TRIML2: variants seen among roughly 807,000 people sequenced by gnomAD.
TRIML2 encodes the protein tripartite motif family like 2.
A neutral mutation model predicts 31.2 loss-of-function variants in TRIML2; 28 were observed. The ratio of observed to expected loss-of-function variants is 0.90; its 90% confidence interval spans 0.66 to 1.23. The LOEUF is 1.23. Among genes scored for constraint, TRIML2 ranks in the 50% most tolerant of loss-of-function variants. The pLI is 0.00. For synonymous variants in TRIML2, 187 were observed against 197.5 expected (o/e 0.95, Z 0.45); for missense variants, 536 against 528.3 (o/e 1.01, Z -0.14).
At chr4:188,108,912 C>G (rs967035982) in intron 1 of TRIML2, among the ~76,000 whole-genome samples, 1 of 152,134 alleles carries the variant, frequency 6.6e-6, no homozygotes, top group Non-Finnish European at 1.5e-5. Context: ...CCATAAGAAA[C>G]TAAGTCCTTG....
intron 4 of TRIML2, among the ~76,000 whole-genome samples, chr4:188,100,676 T>G (rs1304009175): frequency 1.3e-5 from 2 of 152,018 alleles, no homozygotes. Context: ...GAGCTGAGAT[T>G]GCGCCACTGC....
At position 188,105,178 on chromosome 4, in the gene TRIML2, A is replaced by G. The variant is rs778845906; in HGVS notation, c.189+2T>C. ...TTTGGGATTTGCGTGAGTGACTCTT[A>G]CCCTGTAATTCTCAGCAGCCTCTTG... On this transcript the variant is annotated splice_donor_variant, in intron 2 of 7. Coordinates refer to ENST00000682553, the MANE Select transcript of TRIML2 (RefSeq NM_173553.4). LOFTEE classifies it high-confidence loss of function. 1.2e-5 allele frequency: 19 copies of G among 1,595,556 alleles called. No individual in the cohort carries two copies. The highest frequency in any genetic ancestry group is 1.6e-5 in the Non-Finnish European group (19 of 1,164,492).
At chr4:188,102,685 C>G (rs1031963820) in intron 3 of TRIML2, among the ~76,000 whole-genome samples, 40 of 151,754 alleles carry the variant, frequency 2.6e-4, no homozygotes, top group African/African-American at 9.4e-4. Context: ...CCCGTCTCTA[C>G]TAAAAATAAA....
intron 3 of TRIML2, among the ~76,000 whole-genome samples, chr4:188,103,820 G>A (rs1222444711): frequency 6.6e-6 from 1 of 152,074 alleles, no homozygotes; most frequent in African/African-American, 2.4e-5. Flanking sequence ...GCAAACAGTG[G>A]GATCTCAGTA....
chr4:188,106,351 G>A (rs1351504468), intron 1 of TRIML2, among the ~76,000 whole-genome samples: 7 of 152,148 alleles, frequency 4.6e-5, no homozygotes, highest in Non-Finnish European at 8.8e-5. Flanking sequence ...GCGCCCGGCC[G>A]AAAACGGCTC....
In TRIML2 at chr4:188,091,764, A is replaced by G; in HGVS notation, c.923T>C (p.Val308Ala). The change falls in exon 8 of 8, where the codon GTG becomes GCG. Residue 308 changes from valine (V) to alanine (A), a missense_variant. Transcript: ENST00000682553. ...SFTSGRHYWE[V>A]DVEKATRWQV... The stretch of plus-strand genomic sequence containing the variant: ...CCACCTGGTTGCCTTTTCCACGTCC[A>G]CCTCCCAGTAGTGCCTCCCTGAGGT... The G allele has an allele frequency of 6.2e-7, 1 of 1,613,660 alleles. No homozygotes were observed. Among genetic ancestry groups the G allele is most frequent in the Non-Finnish European group, 8.5e-7 (1 of 1,179,916 alleles).
Position 188,091,843 on chromosome 4 carries a change from C to A in TRIML2, c.844G>T (p.Gly282Cys). 6.2e-7 allele frequency: 1 copy of A among 1,614,148 alleles called. No individual in the cohort carries two copies. The highest frequency in any genetic ancestry group is 8.5e-7 in the Non-Finnish European group (1 of 1,180,038). ...RLRHGQQDGAGNPERLDFSAM... is the reference protein window; with the variant it reads ...RLRHGQQDGACNPERLDFSAM... ...CTGAAATCCAATCTTTCTGGGTTGC[C>A]AGCCCCATCCTGCTGCCCATGTCTC... Residue 282 changes from glycine (G) to cysteine (C), a missense_variant, in exon 8 of 8, where the codon GGC (glycine) becomes TGC (cysteine). Transcript: ENST00000682553.
intron 1 of TRIML2, among the ~76,000 whole-genome samples, chr4:188,107,655 A>G (rs762357525): frequency 2.6e-5 from 4 of 152,150 alleles, no homozygotes; most frequent in Admixed American, 6.6e-5. Context: ...TATATTTTCA[A>G]CTTCCATCTG....
chr4:188,094,450 T>C (rs1733411353), intron 7 of TRIML2, among the ~76,000 whole-genome samples: 1 of 152,210 alleles, frequency 6.6e-6, no homozygotes, highest in Admixed American at 6.5e-5. Flanking sequence ...TCAATATATA[T>C]AAAACAATTC....
chr4:188,098,483 A>G (rs1194493837), intron 5 of TRIML2: 1 of 211,322 alleles, frequency 4.7e-6, no homozygotes, highest in East Asian at 1.2e-4. Context: ...GGATTTCAAC[A>G]TATATATTTT....
chr4:188,104,277 T>C (rs1394915048), intron 3 of TRIML2, among the ~76,000 whole-genome samples: 1 of 152,240 alleles, frequency 6.6e-6, no homozygotes, highest in East Asian at 1.9e-4. Flanking sequence ...TTTCAATGTA[T>C]TTAAAATATA....
chr4:188,107,208 GT>G (rs1734078929), intron 1 of TRIML2, among the ~76,000 whole-genome samples: 1 of 152,022 alleles, frequency 6.6e-6, no homozygotes, highest in Non-Finnish European at 1.5e-5. Context: ...TAGAGACGGG[GT>G]TTCACCGTGT....
intron 6 of TRIML2, 62 bp downstream of exon 6, chr4:188,097,262 T>A (rs764237804): frequency 1.2e-4 from 197 of 1,603,996 alleles, no homozygotes; most frequent in Non-Finnish European, 1.6e-4. Context: ...AATCTCCCTA[T>A]CTCAATCAAC....
chr4:188,104,892 A>C lies in TRIML2; in HGVS notation c.230T>G (p.Leu77Arg), dbSNP rs1733958464. The C allele has an allele frequency of 1.2e-6, 2 of 1,614,106 alleles. No individual in the cohort carries two copies. Among genetic ancestry groups the C allele is most frequent in the Non-Finnish European group, 1.7e-6 (2 of 1,180,004 alleles). Residue 77 changes from leucine (L) to arginine (R), a missense_variant, in exon 3 of 8, where the codon CTT becomes CGT. Physicochemically the swap from Leu to Arg is moderately radical, Grantham distance 102. Transcript: ENST00000682553. ...AGTCAATATGCTTTTAGCTGCTTCA[A>C]GTTTCTCCCTCGATGTGTTCAATAT... ...QEILNTSREKLEAAKSILTDE... is the reference protein window; with the variant it reads ...QEILNTSREKREAAKSILTDE...
chr4:188,092,461 A>AAAACAAACAAACAAAC (rs138651647), intron 7 of TRIML2, among the ~76,000 whole-genome samples: 6 of 149,792 alleles, frequency 4.0e-5, no homozygotes, highest in African/African-American at 1.5e-4. Flanking sequence ...ACTCCATCTC[A>AAAACAAACAAACAAAC]AAACAAACAA....
chr4:188,098,769 T>C, intron 5 of TRIML2: 1 of 419,878 alleles, frequency 2.4e-6, no homozygotes, highest in Non-Finnish European at 4.3e-6. Context: ...CATGGAGGTA[T>C]TAACCACATT....
intron 1 of TRIML2, among the ~76,000 whole-genome samples, chr4:188,108,360 G>C (rs988702513): frequency 3.3e-5 from 5 of 152,152 alleles, no homozygotes; most frequent in Non-Finnish European, 2.9e-5. Context: ...CAACCCAGTG[G>C]CTCTCTTCCC....
chr4:188,101,080 C>A lies in TRIML2; in HGVS notation c.456G>T (p.Glu152Asp). The A allele has an allele frequency of 6.2e-7, 1 of 1,613,304 alleles. No individual in the cohort carries two copies. The highest frequency in any genetic ancestry group is 1.7e-4 in the Middle Eastern group (1 of 6,058). ...NQAIKLATEL[E>D]EMFQEMLQRL... Reference sequence around the variant, plus strand: ...CCTGTAGCATTTCCTGGAACATCTCCTCTAGCTCGGTGGCAAGCTTGATCG... The same window carrying A: ...CCTGTAGCATTTCCTGGAACATCTCATCTAGCTCGGTGGCAAGCTTGATCG... Residue 152 changes from glutamate (E) to aspartate (D), a missense_variant, in exon 4 of 8, where the codon GAG (glutamate) becomes GAT (aspartate). Transcript: ENST00000682553.
intron 5 of TRIML2, chr4:188,098,193 T>G: frequency 2.3e-6 from 1 of 429,170 alleles, no homozygotes; most frequent in African/African-American, 2.1e-5. Context: ...ATTCAAAATA[T>G]GCAATACTTA....
Sources: allele counts gnomAD v4.1 joint callset (sites outside exome capture counted in the v4.1 genomes callset), GRCh38; gene constraint gnomAD v4.1.1; transcripts MANE v1.5; gene names NCBI Gene and HGNC (gene_info 2026-07-23, HGNC 2026-07-21).